PIWIL3: variants seen among roughly 807,000 people sequenced by gnomAD.
PIWIL3 encodes the protein piwi-like protein 3.
In PIWIL3, 101 loss-of-function variants were observed where a neutral mutation model predicts 109.7. The ratio of observed to expected loss-of-function variants is 0.92; its 90% CI spans 0.78 to 1.09. PIWIL3 has a LOEUF of 1.09. PIWIL3 is among the 50% of genes least tolerant of loss of function. The pLI is 0.00. For synonymous variants in PIWIL3, 373 were observed against 376.4 expected, an observed-to-expected ratio of 0.99 and a Z score of 0.10; for missense variants, 1,031 against 1,072.6, an observed-to-expected ratio of 0.96 and a Z score of 0.54.
intron 8 of PIWIL3, among the ~76,000 whole-genome samples, chr22:24,753,287 A>G (rs1924818277): frequency 6.6e-6 from 1 of 152,180 alleles, no homozygotes; most frequent in South Asian, 2.1e-4. Flanking sequence ...TCTTACATCT[A>G]GGTCTATTGA....
chr22:24,734,133 TTAG>T lies in PIWIL3; in HGVS notation c.1655_1657del (p.Ala552_Asn553delinsAsp). The T allele has an allele frequency of 6.2e-7, 1 of 1,612,352 alleles. No individual in the cohort carries two copies. Among genetic ancestry groups the T allele is most frequent in the South Asian group, 1.1e-5 (1 of 90,432 alleles). On this transcript the variant is annotated inframe_deletion, in exon 14 of 21. Transcript: ENST00000616349. ...TTTCCGTAATGTGTCTATATAGGAG[TTAG>T]CATCACCATCTACTTCAATCCTAAA...
At chr22:24,756,011 G>T in intron 5 of PIWIL3, 106 bp from the exon 6 acceptor site, 1 of 1,213,402 alleles carries the variant, frequency 8.2e-7, no homozygotes, top group Non-Finnish European at 1.2e-6. Context: ...ACACACCATC[G>T]TGATGGAGCA....
intron 14 of PIWIL3, among the ~76,000 whole-genome samples, chr22:24,730,270 C>A (rs1239070262): frequency 7.0e-6 from 1 of 142,782 alleles, no homozygotes; most frequent in East Asian, 2.1e-4. Flanking sequence ...GAGGCTGAGG[C>A]AGGAGAATAG....
Position 24,762,470 on chromosome 22 carries a change from T to C in PIWIL3, c.30A>G (p.Arg10=). The C allele has an allele frequency of 1.9e-6, 3 of 1,613,882 alleles. No homozygotes were observed. Among genetic ancestry groups the C allele is most frequent in the Non-Finnish European group, 1.7e-6 (2 of 1,179,912 alleles). Residue 10 remains arginine (R), a synonymous_variant, in exon 2 of 21, where the codon CGA becomes CGG. Coordinates refer to ENST00000616349, the MANE Select transcript of PIWIL3 (RefSeq NM_001255975.1). ...AGCTCTCCCTGCGGCGGGCTCTGCC[T>C]CGGGCGCGAGTCCTTGCCCTACCAG... The part of the protein sequence containing the change: MPGRARTRA[R]GRARRRESYQ...
intron 1 of PIWIL3, among the ~76,000 whole-genome samples, chr22:24,771,282 G>T (rs1320271452): frequency 6.6e-6 from 1 of 151,800 alleles, no homozygotes. Flanking sequence ...CTACCACGAT[G>T]AAACCCCGTC....
chr22:24,757,799 C>T, intron 4 of PIWIL3, 109 bp downstream of exon 4: 1 of 1,321,534 alleles, frequency 7.6e-7, no homozygotes, highest in Non-Finnish European at 1.0e-6. Context: ...GTGAGCATCA[C>T]TGTACTCCAG....
chr22:24,755,884 T>A lies in PIWIL3; in HGVS notation c.592A>T (p.Thr198Ser), dbSNP rs1304552214. The part of the protein sequence containing the change: ...KERRVEWLST[T>S]KDKNIVKITV... ...ATCTTCACGATGTTTTTGTCTTTGGTTGTGCTCAACCATTCCACTCTCTGA... is the reference window on the plus strand; with the variant it reads ...ATCTTCACGATGTTTTTGTCTTTGGATGTGCTCAACCATTCCACTCTCTGA... Residue 198 changes from threonine (T) to serine (S), a missense_variant, in exon 6 of 21, where the codon ACC (threonine) becomes TCC (serine). Thr to Ser is a moderately conservative substitution (Grantham distance 58). Transcript: ENST00000616349. 3 of 1,613,856 alleles carry A rather than the reference T, an allele frequency of 1.9e-6. No individual in the cohort carries two copies. Among genetic ancestry groups the A allele is most frequent in the Non-Finnish European group, 2.5e-6 (3 of 1,179,956 alleles).
At chr22:24,757,288 C>T (rs1214882953) in intron 4 of PIWIL3, among the ~76,000 whole-genome samples, 1 of 151,564 alleles carries the variant, frequency 6.6e-6, no homozygotes, top group Non-Finnish European at 1.5e-5. Context: ...AAAGCGCCAC[C>T]CTATGTAATA....
At chr22:24,728,413 C>A in intron 14 of PIWIL3, 39 bp from the exon 15 acceptor site, 1 of 1,612,434 alleles carries the variant, frequency 6.2e-7, no homozygotes, top group Non-Finnish European at 8.5e-7. Flanking sequence ...TAAGATACAA[C>A]AACAGTGATA....
At chr22:24,745,536 G>C (rs1351966558) in intron 12 of PIWIL3, among the ~76,000 whole-genome samples, 1 of 151,966 alleles carries the variant, frequency 6.6e-6, no homozygotes, top group Non-Finnish European at 1.5e-5. Context: ...AACAGAGTGA[G>C]ACTCTGTCTC....
At chr22:24,734,829 T>A (rs917385397) in intron 13 of PIWIL3, among the ~76,000 whole-genome samples, 2 of 151,488 alleles carry the variant, frequency 1.3e-5, no homozygotes, top group South Asian at 2.1e-4. Context: ...ACTTTTTTTT[T>A]TTTTTTTAGA....
chr22:24,735,543 A>G (rs1402327565), intron 13 of PIWIL3, among the ~76,000 whole-genome samples, 165 bp downstream of exon 13: 1 of 152,246 alleles, frequency 6.6e-6, no homozygotes, highest in Non-Finnish European at 1.5e-5. Flanking sequence ...ATAGCCGTAA[A>G]CCATATATCA....
chr22:24,747,994 C>A (rs1569105076), intron 12 of PIWIL3, among the ~76,000 whole-genome samples: 1 of 152,128 alleles, frequency 6.6e-6, no homozygotes, highest in Non-Finnish European at 1.5e-5. Flanking sequence ...ATGTTTATTG[C>A]AGCACTGTTC....
chr22:24,728,111 A>AAC, intron 15 of PIWIL3, 58 bp from the exon 16 acceptor site: 1 of 1,607,018 alleles, frequency 6.2e-7, no homozygotes, highest in South Asian at 1.1e-5. Context: ...TTTAAGCATT[A>AAC]ACAATTAAGA....
At chr22:24,746,472 TG>T (rs1208892234) in intron 12 of PIWIL3, among the ~76,000 whole-genome samples, 1 of 141,294 alleles carries the variant, frequency 7.1e-6, no homozygotes, top group Non-Finnish European at 1.6e-5. Context: ...GGGAAAAAAC[TG>T]AAAGCCTTTT....
intron 1 of PIWIL3, 69 bp from the exon 2 acceptor site, chr22:24,762,590 A>G (rs1925504228): frequency 1.6e-6 from 2 of 1,242,316 alleles, no homozygotes; most frequent in Non-Finnish European, 2.2e-6. Context: ...TAGGGTTGCT[A>G]CAACAGAATA....
At position 24,759,991 on chromosome 22, in the gene PIWIL3, T is replaced by C; in HGVS notation, c.103-2A>G. 1 of 1,613,952 alleles carries C rather than the reference T, an allele frequency of 6.2e-7. No homozygotes were observed. The highest frequency in any genetic ancestry group is 8.5e-7 in the Non-Finnish European group (1 of 1,180,000). On this transcript the variant is annotated splice_acceptor_variant, in intron 2 of 20. Coordinates refer to ENST00000616349, the MANE Select transcript of PIWIL3 (RefSeq NM_001255975.1). LOFTEE classifies it high-confidence loss of function. ...CTGCAACTGAGGGGGCTCCTGGGTC[T>C]GCATGTTTTTGGAAATAGAAATAAT...
At position 24,749,525 on chromosome 22, in the gene PIWIL3, TA is replaced by T. The variant is rs759240704; in HGVS notation, c.1217-5del. The T allele has an allele frequency of 3.1e-5, 50 of 1,612,256 alleles. No homozygotes were observed. Among genetic ancestry groups the T allele is most frequent in the South Asian group, 1.4e-4 (13 of 90,974 alleles). On this transcript the variant is annotated splice_region_variant and splice_polypyrimidine_tract_variant and intron_variant, in intron 10 of 20. Coordinates refer to ENST00000616349, the MANE Select transcript of PIWIL3 (RefSeq NM_001255975.1). The stretch of plus-strand genomic sequence containing the variant: ...TTACATATTTCATCTGTTAGACCTT[TA>T]AAAAAATCCAAAAGATACAGCTGAA...
intron 8 of PIWIL3, among the ~76,000 whole-genome samples, chr22:24,751,945 T>C (rs943660517): frequency 2.6e-5 from 4 of 152,246 alleles, no homozygotes; most frequent in African/African-American, 7.2e-5. Context: ...AATATTCTAT[T>C]GTATGATATC....
Sources: gnomAD v4.1 joint callset for allele counts (sites outside exome capture counted in the v4.1 genomes callset) on GRCh38, gnomAD v4.1.1 for gene constraint, MANE v1.5 for transcripts, NCBI Gene and HGNC (gene_info 2026-07-23, HGNC 2026-07-21) for gene names.